KCNH5: variants seen among roughly 807,000 people sequenced by gnomAD.
KCNH5 encodes the protein potassium voltage-gated channel subfamily H member 5.
A neutral mutation model predicts 96.1 loss-of-function variants in KCNH5; 46 were observed. That is an observed-to-expected ratio of 0.48 (90% confidence interval 0.38 to 0.61). The LOEUF (loss-of-function observed/expected upper bound fraction) is 0.61, where lower values mean the gene tolerates loss of function less well. KCNH5 is among the 20% of genes least tolerant of loss of function. KCNH5 has a pLI of 0.00. For synonymous variants in KCNH5, 439 were observed against 449.8 expected, an observed-to-expected ratio of 0.98 and a Z score of 0.30; for missense variants, 907 against 1,225.8, an observed-to-expected ratio of 0.74 and a Z score of 3.88.
chr14:62,905,159 CATCTTCTTTTTTTGTCCT>C (rs1889003083), intron 7 of KCNH5, among the ~76,000 whole-genome samples: 1 of 152,186 alleles, frequency 6.6e-6, no homozygotes, highest in Admixed American at 6.5e-5. Context: ...CAAGTAGCCC[CATCTTCTTTTTTTGTCCT>C]ATCTTCAGAA....
intron 10 of KCNH5, among the ~76,000 whole-genome samples, chr14:62,730,733 A>ATATT (rs1455580170): frequency 6.6e-6 from 1 of 152,208 alleles, no homozygotes; most frequent in African/African-American, 2.4e-5. Context: ...TAATGGGATG[A>ATATT]TATTATGTAG....
intron 2 of KCNH5, among the ~76,000 whole-genome samples, chr14:63,011,356 T>C (rs1289624938): frequency 6.6e-6 from 1 of 151,700 alleles, no homozygotes; most frequent in Non-Finnish European, 1.5e-5. Flanking sequence ...CGGGTGCATG[T>C]AACCCCATCG....
At chr14:62,752,730 C>G (rs1218079810) in intron 10 of KCNH5, among the ~76,000 whole-genome samples, 1 of 152,064 alleles carries the variant, frequency 6.6e-6, no homozygotes, top group Admixed American at 6.6e-5. Context: ...TTCCCCCATG[C>G]TGTTCTCATG....
At chr14:62,824,795 C>T (rs1356633449) in intron 8 of KCNH5, among the ~76,000 whole-genome samples, 3 of 151,918 alleles carry the variant, frequency 2.0e-5, no homozygotes, top group Non-Finnish European at 4.4e-5. Flanking sequence ...CTAGTAGTCC[C>T]CAGTCTATTG....
chr14:62,726,998 G>T (rs1352417695), intron 10 of KCNH5, among the ~76,000 whole-genome samples: 2 of 152,122 alleles, frequency 1.3e-5, no homozygotes, highest in African/African-American at 4.8e-5. Context: ...AGATACAAAT[G>T]AATACCTATT....
At chr14:62,814,209 A>G (rs897408370) in intron 8 of KCNH5, among the ~76,000 whole-genome samples, 2 of 151,966 alleles carry the variant, frequency 1.3e-5, no homozygotes, top group African/African-American at 4.8e-5. Flanking sequence ...TCGTGAACCA[A>G]TTCTACCAGG....
intron 4 of KCNH5, among the ~76,000 whole-genome samples, chr14:62,989,874 C>A (rs1382601726): frequency 6.6e-6 from 1 of 151,942 alleles, no homozygotes; most frequent in Non-Finnish European, 1.5e-5. Context: ...GTGGTGAGGG[C>A]GTCTTTGGAT....
rs892452526 is a variant in KCNH5 at position 62,707,314 on chromosome 14, AAGCAATATCTAT to A, written c.*182_*193del. On this transcript the variant is annotated 3_prime_UTR_variant, in exon 11 of 11. Transcript: ENST00000322893. ...GCATGCAGTCAACTGCATAATATAC[AAGCAATATCTAT>A]GTTTTTAATCATCATCTTCTTTGGC... is the stretch of plus-strand genomic sequence containing the variant. 55 of 329,438 alleles carry A rather than the reference AAGCAATATCTAT, an allele frequency of 1.7e-4. No homozygotes were observed. Among genetic ancestry groups the A allele is most frequent in the Non-Finnish European group, 2.9e-4 (54 of 186,778 alleles). The allele number at this position is 329,438 out of a possible 1,614,324, so 20.4% of individuals were successfully genotyped here.
intron 10 of KCNH5, among the ~76,000 whole-genome samples, chr14:62,717,987 G>A (rs1477314577): frequency 6.6e-6 from 1 of 152,170 alleles, no homozygotes; most frequent in Non-Finnish European, 1.5e-5. Context: ...GAGGCAGCTA[G>A]AAGCCATTAT....
intron 10 of KCNH5, among the ~76,000 whole-genome samples, chr14:62,756,882 T>G (rs1885635238): frequency 6.6e-6 from 1 of 152,198 alleles, no homozygotes; most frequent in African/African-American, 2.4e-5. Context: ...TCCAGAACCT[T>G]GGACTGGGCA....
intron 10 of KCNH5, among the ~76,000 whole-genome samples, chr14:62,714,385 T>TTATTTA (rs1884639485): frequency 6.6e-6 from 1 of 152,176 alleles, no homozygotes; most frequent in South Asian, 2.1e-4. Context: ...TTGATGAATT[T>TTATTTA]GATTTAGTTA....
rs1302124288 is a variant in KCNH5 at position 62,978,902 on chromosome 14, T to G, written c.942+1970A>C. Among the ~76,000 whole-genome samples, 4 of 152,314 alleles carry G rather than the reference T, an allele frequency of 2.6e-5. No individual in the cohort carries two copies. In the East Asian group the frequency reaches 7.7e-4, roughly 29 times the overall value. On this transcript the variant is annotated intron_variant, in intron 6 of 10. Coordinates refer to ENST00000322893, the MANE Select transcript of KCNH5 (RefSeq NM_139318.5). ...TAACGTATGTGTTTCTTCACAGTTA[T>G]CATTTTTGTGGTGAGAACACTTTAC...
intron 7 of KCNH5, among the ~76,000 whole-genome samples, chr14:62,924,576 C>T (rs1490040915): frequency 6.6e-6 from 1 of 151,706 alleles, no homozygotes; most frequent in Non-Finnish European, 1.5e-5. Context: ...ACCTAGTGAC[C>T]ATCAACAGAT....
At chr14:62,881,096 A>T (rs1888482402) in intron 7 of KCNH5, among the ~76,000 whole-genome samples, 1 of 152,186 alleles carries the variant, frequency 6.6e-6, no homozygotes, top group African/African-American at 2.4e-5. Flanking sequence ...GCCTTCAATA[A>T]AATGCTTATG....
chr14:62,843,504 C>T (rs1186750278), intron 8 of KCNH5, among the ~76,000 whole-genome samples: 8 of 150,806 alleles, frequency 5.3e-5, no homozygotes, highest in African/African-American at 1.5e-4. Context: ...CTCCTCCTCC[C>T]GGGTTCAAGC....
At chr14:62,733,757 T>C (rs1272985251) in intron 10 of KCNH5, among the ~76,000 whole-genome samples, 1 of 152,218 alleles carries the variant, frequency 6.6e-6, no homozygotes, top group African/African-American at 2.4e-5. Context: ...TTGGCCACTT[T>C]ACTCTTCCAG....
At chr14:62,764,619 G>A (rs374168086) in intron 10 of KCNH5, among the ~76,000 whole-genome samples, 6 of 152,206 alleles carry the variant, frequency 3.9e-5, no homozygotes, top group Admixed American at 1.3e-4. Flanking sequence ...CTTAGAAACC[G>A]TACAGTATCT....
At chr14:62,752,408 T>A (rs1885521807) in intron 10 of KCNH5, among the ~76,000 whole-genome samples, 1 of 151,842 alleles carries the variant, frequency 6.6e-6, no homozygotes, top group African/African-American at 2.4e-5. Context: ...GCTCTTGGGG[T>A]CCCAGATTGC....
chr14:62,873,426 CAA>C (rs955280358), intron 7 of KCNH5, among the ~76,000 whole-genome samples: 12 of 152,010 alleles, frequency 7.9e-5, no homozygotes, highest in African/African-American at 2.4e-4. Flanking sequence ...ATTAGGCAGA[CAA>C]ATTCATATGA....
Sources: gnomAD v4.1 joint callset for allele counts (sites outside exome capture counted in the v4.1 genomes callset) on GRCh38, gnomAD v4.1.1 for gene constraint, MANE v1.5 for transcripts, NCBI Gene and HGNC (gene_info 2026-07-23, HGNC 2026-07-21) for gene names.